RANBP17: variants seen among roughly 807,000 people sequenced by gnomAD.
RANBP17 encodes the protein ran-binding protein 17.
A neutral mutation model predicts 141.2 loss-of-function variants in RANBP17; 158 were observed. The observed-to-expected ratio is 1.12, with a 90% CI of 0.98 to 1.28. The LOEUF (loss-of-function observed/expected upper bound fraction) is 1.28. RANBP17 is among the 50% of genes most tolerant of loss of function. The pLI is 0.00. For missense variants in RANBP17, 1,438 were observed against 1,290.7 expected (o/e 1.11, Z -1.75); for synonymous variants, 430 against 450.0 (o/e 0.96, Z 0.56).
intron 14 of RANBP17, among the ~76,000 whole-genome samples, chr5:171,102,400 T>C (rs531959597): frequency 6.6e-6 from 1 of 152,190 alleles, no homozygotes; most frequent in South Asian, 2.1e-4. Flanking sequence ...TTGATACTTG[T>C]GTATGCTTCA....
At chr5:171,204,949 T>G (rs959407542) in intron 19 of RANBP17, among the ~76,000 whole-genome samples, 1 of 152,228 alleles carries the variant, frequency 6.6e-6, no homozygotes, top group Admixed American at 6.5e-5. Flanking sequence ...TCGAGTCTTA[T>G]GACATCAAAT....
chr5:171,151,531 T>G (rs1198475438), intron 14 of RANBP17, among the ~76,000 whole-genome samples: 1 of 152,224 alleles, frequency 6.6e-6, no homozygotes, highest in Non-Finnish European at 1.5e-5. Context: ...TAAATAGGCT[T>G]AATAAGTTCA....
chr5:171,047,434 T>A (rs1782663656), intron 14 of RANBP17, among the ~76,000 whole-genome samples: 1 of 99,234 alleles, frequency 1.0e-5, no homozygotes, highest in African/African-American at 2.8e-5. Flanking sequence ...CCCTTTTTTT[T>A]TTGTTTTGTT....
chr5:171,183,149 T>C lies in RANBP17; in HGVS notation c.1866-18T>C. Reference sequence around the variant, plus strand: ...GATATTACAAATATATTTCCTTAGATTCCTTAACTTCTATTACTTATATCC... The same window carrying C: ...GATATTACAAATATATTTCCTTAGACTCCTTAACTTCTATTACTTATATCC... On this transcript the variant is annotated intron_variant, in intron 16 of 27. Transcript: ENST00000523189. The C allele has an allele frequency of 7.6e-7, 1 of 1,320,092 alleles. No individual in the cohort carries two copies. Among genetic ancestry groups the C allele is most frequent in the Non-Finnish European group, 1.1e-6 (1 of 915,188 alleles). The allele number at this position is 1,320,092 out of a possible 1,614,324, so 81.8% of individuals were successfully genotyped here. A position where few individuals can be genotyped will look rare whatever the true frequency, so the allele number is the denominator to read the frequency against.
At chr5:171,136,592 C>T (rs1476426559) in intron 14 of RANBP17, among the ~76,000 whole-genome samples, 1 of 151,962 alleles carries the variant, frequency 6.6e-6, no homozygotes, top group Non-Finnish European at 1.5e-5. Context: ...TTTCAGACAC[C>T]GTGCTATCAG....
chr5:171,050,519 A>T (rs912776232), intron 14 of RANBP17, among the ~76,000 whole-genome samples: 2 of 152,068 alleles, frequency 1.3e-5, no homozygotes, highest in Non-Finnish European at 2.9e-5. Flanking sequence ...TCAGGAGTTC[A>T]AGACCAGCAA....
rs942538643 is a variant in RANBP17, at chr5:170,878,136, A to G, written c.58A>G (p.Ile20Val). Reference protein sequence around the residue: ...ELEVLCTHLYIGTDLTQRIEA... With the variant: ...ELEVLCTHLYVGTDLTQRIEA... ...GGAAGTGTTATGTACTCATCTCTAC[A>G]TAGGGACTGATCTTACACAAAGAAT... The change falls in exon 2 of 28, where the codon ATA (isoleucine) becomes GTA (valine). Residue 20 changes from isoleucine (I) to valine (V), a missense_variant. By Grantham distance (29) the Ile-to-Val change is conservative. Transcript: ENST00000523189. 6.2e-6 allele frequency: 10 copies of G among 1,612,272 alleles called. No individual in the cohort carries two copies. The highest frequency in any genetic ancestry group is 3.3e-4 in the Middle Eastern group (2 of 6,046).
chr5:170,909,232 T>A (rs1015295252), intron 5 of RANBP17, among the ~76,000 whole-genome samples: 2 of 151,894 alleles, frequency 1.3e-5, no homozygotes, highest in East Asian at 1.9e-4. Context: ...TAATGACATA[T>A]ATGGTACATA....
At chr5:171,035,737 G>GTTTTTTTTTTTT (rs781327156) in intron 14 of RANBP17, among the ~76,000 whole-genome samples, 118 of 94,948 alleles carry the variant, frequency 1.2e-3, no homozygotes, top group Non-Finnish European at 2.2e-3. Flanking sequence ...TTCTTTTTTT[G>GTTTTTTTTTTTT]TTTTTTTTTT....
At chr5:170,879,753 A>T (rs1479220997) in intron 2 of RANBP17, among the ~76,000 whole-genome samples, 1 of 152,148 alleles carries the variant, frequency 6.6e-6, no homozygotes, top group African/African-American at 2.4e-5. Flanking sequence ...CTAAAAAAAT[A>T]GCAGTAAAAA....
chr5:171,090,843 C>T (rs532807885), intron 14 of RANBP17, among the ~76,000 whole-genome samples: 3 of 152,180 alleles, frequency 2.0e-5, no homozygotes, highest in Non-Finnish European at 4.4e-5. Flanking sequence ...CCTGCGGGTG[C>T]ACAGAAGTCA....
chr5:171,283,155 G>C (rs1767953448), intron 25 of RANBP17, among the ~76,000 whole-genome samples: 1 of 152,168 alleles, frequency 6.6e-6, no homozygotes, highest in Non-Finnish European at 1.5e-5. Flanking sequence ...CCCTAGGCAG[G>C]GTTAGCCTCC....
At chr5:171,086,300 C>T (rs1785648739) in intron 14 of RANBP17, among the ~76,000 whole-genome samples, 1 of 148,706 alleles carries the variant, frequency 6.7e-6, no homozygotes, top group South Asian at 2.2e-4. Flanking sequence ...AGCCTTGCAT[C>T]CCAGGGATGA....
chr5:171,242,888 A>G (rs1166898674), intron 24 of RANBP17, 68 bp downstream of exon 24: 10 of 1,393,268 alleles, frequency 7.2e-6, no homozygotes, highest in African/African-American at 2.9e-5. Flanking sequence ...GTATGTGATT[A>G]TTGAGACTAT....
At chr5:171,252,009 A>C in intron 24 of RANBP17, 1 of 1,608,382 alleles carries the variant, frequency 6.2e-7, no homozygotes, top group Non-Finnish European at 8.5e-7. Context: ...TTCGGGAAAC[A>C]GTTCTTGCAT....
intron 14 of RANBP17, among the ~76,000 whole-genome samples, chr5:171,129,792 G>T (rs1231923179): frequency 6.6e-6 from 1 of 152,140 alleles, no homozygotes; most frequent in African/African-American, 2.4e-5. Context: ...ACTGACCCAG[G>T]TCCAGTTCCA....
chr5:171,130,428 A>C (rs1452285838), intron 14 of RANBP17, among the ~76,000 whole-genome samples: 1 of 121,118 alleles, frequency 8.3e-6, no homozygotes, highest in Non-Finnish European at 1.7e-5. Context: ...TACTTTAAAA[A>C]GACTTTTTTT....
intron 22 of RANBP17, among the ~76,000 whole-genome samples, chr5:171,232,772 A>G (rs1011352503): frequency 2.6e-5 from 4 of 152,142 alleles, no homozygotes; most frequent in Non-Finnish European, 5.9e-5. Flanking sequence ...TATTTATATT[A>G]TGGTCATTGT....
chr5:171,005,151 G>T (rs371351648), intron 14 of RANBP17, among the ~76,000 whole-genome samples: 2 of 152,230 alleles, frequency 1.3e-5, no homozygotes, highest in African/African-American at 4.8e-5. Flanking sequence ...CCTTTATCGT[G>T]AAAATGGCCA....
Sources: gnomAD v4.1 joint callset for allele counts (sites outside exome capture counted in the v4.1 genomes callset) on GRCh38, gnomAD v4.1.1 for gene constraint, MANE v1.5 for transcripts, NCBI Gene and HGNC (gene_info 2026-07-23, HGNC 2026-07-21) for gene names.